The following NRDC variants were observed in gnomAD, a reference collection of about 807,000 sequenced individuals.
The protein encoded by NRDC is nardilysin convertase.
A neutral mutation model predicts 147.1 loss-of-function variants in NRDC; 54 were observed. The ratio of observed to expected loss-of-function variants is 0.37; its 90% CI spans 0.29 to 0.46. The LOEUF (loss-of-function observed/expected upper bound fraction) is 0.46. Among genes scored for constraint, NRDC ranks in the 20% least tolerant of loss-of-function variants. The probability of loss-of-function intolerance (pLI) is 1.00; values close to 1 mark genes in which losing one functional copy is unlikely to be tolerated. For synonymous variants in NRDC, 440 were observed against 482.1 expected (o/e 0.91, Z 1.14); for missense variants, 1,082 against 1,370.6 (o/e 0.79, Z 3.33).
chr1:51,791,084 TAAG>T, intron 27 of NRDC, 94 bp from the exon 28 acceptor site: 1 of 831,762 alleles, frequency 1.2e-6, no homozygotes, highest in Non-Finnish European at 2.0e-6. Context: ...AAGAAGGAAT[TAAG>T]ACTAAGACAT....
In NRDC at chr1:51,811,468, C is replaced by T. The variant is rs375002939; in HGVS notation, c.1779+526G>A. Among the ~76,000 whole-genome samples, 33 of 152,256 alleles carry T rather than the reference C, an allele frequency of 2.2e-4. 1 individual carries two copies. The South Asian group carries it at 6.0e-3, about 28-fold the overall frequency. ...GAAGGCAAAAGTCACCTCTGGTTGACGCGCGCTAGCCTGTATGAAACAAAA... is the reference window on the plus strand; with the variant it reads ...GAAGGCAAAAGTCACCTCTGGTTGATGCGCGCTAGCCTGTATGAAACAAAA... On this transcript the variant is annotated intron_variant, in intron 15 of 30. Coordinates refer to ENST00000352171, the MANE Select transcript of NRDC (RefSeq NM_001101662.2).
intron 3 of NRDC, among the ~76,000 whole-genome samples, 200 bp downstream of exon 3, chr1:51,835,931 G>C (rs1177269224): frequency 6.6e-6 from 1 of 152,124 alleles, no homozygotes; most frequent in Non-Finnish European, 1.5e-5. Flanking sequence ...TTTCTGTGTG[G>C]TTTCATTCTA....
chr1:51,856,457 G>A (rs11585468), intron 1 of NRDC, among the ~76,000 whole-genome samples: 30,367 of 152,086 alleles, frequency 0.2, 3,994 homozygotes, highest in Non-Finnish European at 0.28. Flanking sequence ...TTCAAGTTGG[G>A]GTTCCCACGA....
chr1:51,819,096 G>T (rs1263978956), intron 9 of NRDC, among the ~76,000 whole-genome samples: 1 of 152,144 alleles, frequency 6.6e-6, no homozygotes, highest in African/African-American at 2.4e-5. Flanking sequence ...GAGGCCAGGA[G>T]TTCGAGACCA....
In NRDC at chr1:51,874,145, T is replaced by TAA. The variant is rs539045743; in HGVS notation, c.341+4128_341+4129dup. 7.3e-3 allele frequency among the ~76,000 whole-genome samples: 947 copies of TAA among 129,168 alleles called. 7 individuals are homozygous for TAA. Among genetic ancestry groups the TAA allele is most frequent in the African/African-American group, 0.025 (889 of 35,562 alleles). The allele number at this position is 129,168 out of a possible 152,430, so 84.7% of individuals were successfully genotyped here. ...CTGTCTCAAAATTTTTTTTAATCAT[T>TAA]AAAAAAAAAAAAAAAGAAGTTTACA... On this transcript the variant is annotated intron_variant, in intron 1 of 30. Transcript: ENST00000352171.
At chr1:51,860,394 C>T (rs1682470416) in intron 1 of NRDC, among the ~76,000 whole-genome samples, 1 of 152,216 alleles carries the variant, frequency 6.6e-6, no homozygotes, top group South Asian at 2.1e-4. Context: ...AGTTTAACTA[C>T]AGTTGTATAC....
chr1:51,803,297 A>C (rs1029627150), intron 20 of NRDC, among the ~76,000 whole-genome samples: 5 of 152,128 alleles, frequency 3.3e-5, no homozygotes, highest in African/African-American at 1.2e-4. Flanking sequence ...CAACACGGAG[A>C]AACCCCATCT....
intron 2 of NRDC, among the ~76,000 whole-genome samples, chr1:51,839,600 T>C (rs749031108): frequency 3.3e-5 from 5 of 152,202 alleles, no homozygotes; most frequent in Admixed American, 6.5e-5. Flanking sequence ...TATCAAGACT[T>C]ATTTATCTAT....
intron 14 of NRDC, among the ~76,000 whole-genome samples, chr1:51,813,290 C>T (rs1679814270): frequency 6.6e-6 from 1 of 152,142 alleles, no homozygotes; most frequent in Non-Finnish European, 1.5e-5. Flanking sequence ...TTACCGAGCA[C>T]CCAGATACAC....
chr1:51,846,714 C>A (rs992363889), intron 1 of NRDC, among the ~76,000 whole-genome samples: 4 of 152,236 alleles, frequency 2.6e-5, no homozygotes, highest in Non-Finnish European at 5.9e-5. Flanking sequence ...TTATCGCCAA[C>A]AGCGATGGAA....
intron 18 of NRDC, 70 bp from the exon 19 acceptor site, chr1:51,805,631 C>T: frequency 1.1e-6 from 1 of 884,936 alleles, no homozygotes; most frequent in Non-Finnish European, 1.8e-6. Flanking sequence ...GTTATTTTCC[C>T]CTAATATATA....
chr1:51,878,603 C>G lies in NRDC; in HGVS notation c.13G>C (p.Val5Leu). 1 of 1,611,220 alleles carries G rather than the reference C, an allele frequency of 6.2e-7. No individual in the cohort carries two copies. Among genetic ancestry groups the G allele is most frequent in the Non-Finnish European group, 8.5e-7 (1 of 1,178,950 alleles). MLRR[V>L]TVAAVCATRR... is the part of the protein sequence containing the mutation. ...GTGGCACAGACTGCAGCAACAGTGA[C>G]TCTCCTCAGCATTCACCACCAAGCT... The change falls in exon 1 of 31, where the codon GTC becomes CTC. Residue 5 changes from valine (V) to leucine (L), a missense_variant. Transcript: ENST00000352171.
chr1:51,859,348 G>C (rs1167297668), intron 1 of NRDC, among the ~76,000 whole-genome samples: 1 of 152,198 alleles, frequency 6.6e-6, no homozygotes, highest in African/African-American at 2.4e-5. Flanking sequence ...AAAATTATCA[G>C]TTAAATATAA....
chr1:51,854,741 T>C (rs1029884175), intron 1 of NRDC, among the ~76,000 whole-genome samples: 3 of 152,176 alleles, frequency 2.0e-5, no homozygotes, highest in South Asian at 2.1e-4. Context: ...CTGGGCAACA[T>C]AGCGAGACCC....
At chr1:51,850,617 T>C (rs190666047) in intron 1 of NRDC, among the ~76,000 whole-genome samples, 1 of 152,330 alleles carries the variant, frequency 6.6e-6, no homozygotes, top group East Asian at 1.9e-4. Flanking sequence ...GTCAGAGTCA[T>C]GAGAACGTTT....
At chr1:51,854,689 C>A (rs1682147244) in intron 1 of NRDC, among the ~76,000 whole-genome samples, 1 of 152,176 alleles carries the variant, frequency 6.6e-6, no homozygotes, top group African/African-American at 2.4e-5. Flanking sequence ...TTTGGGAGGC[C>A]AAGGTGGGAG....
chr1:51,806,681 G>C, intron 18 of NRDC, 113 bp downstream of exon 18: 5 of 1,130,838 alleles, frequency 4.4e-6, no homozygotes, highest in Non-Finnish European at 5.1e-6. Context: ...CCCAGCCCCA[G>C]CCTCCTCCAC....
In NRDC at chr1:51,789,369, G is replaced by T. The variant is rs1455998791; in HGVS notation, c.3323C>A (p.Ser1108Tyr). 6.2e-7 allele frequency: 1 copy of T among 1,614,122 alleles called. No individual in the cohort carries two copies. The highest frequency in any genetic ancestry group is 8.5e-7 in the Non-Finnish European group (1 of 1,179,982). The part of the protein sequence containing the change: ...DGTPSSEDSN[S>Y]SCEVMQLTYL... Reference sequence around the variant, plus strand: ...GGTCAGCTGCATCACTTCACAAGAAGAATTTGAATCCTCACTAGAAGGGGT... The same window carrying T: ...GGTCAGCTGCATCACTTCACAAGAATAATTTGAATCCTCACTAGAAGGGGT... Residue 1108 changes from serine (S) to tyrosine (Y), a missense_variant, in exon 31 of 31, where the codon TCT becomes TAT. By Grantham distance (144) the Ser-to-Tyr change is moderately radical. Coordinates refer to ENST00000352171, the MANE Select transcript of NRDC (RefSeq NM_001101662.2).
At chr1:51,865,346 C>T (rs1682754013) in intron 1 of NRDC, among the ~76,000 whole-genome samples, 2 of 151,596 alleles carry the variant, frequency 1.3e-5, no homozygotes, top group Admixed American at 1.3e-4. Flanking sequence ...GCTCTGTCAC[C>T]CAGGTTAGAG....
Sources: allele counts gnomAD v4.1 joint callset (sites outside exome capture counted in the v4.1 genomes callset), GRCh38; gene constraint gnomAD v4.1.1; transcripts MANE v1.5; gene names NCBI Gene and HGNC (gene_info 2026-07-23, HGNC 2026-07-21).